Variants in AGO4 observed in about 807,000 individuals in gnomAD.
AGO4 encodes argonaute RISC component 4.
Under a neutral mutation model 104.7 loss-of-function variants are expected in AGO4, and 33 were observed. The ratio of observed to expected loss-of-function variants is 0.32; its 90% confidence interval spans 0.24 to 0.42. The LOEUF is 0.42. AGO4 is among the 10% of genes least tolerant of loss of function. AGO4 has a pLI of 1.00. For synonymous variants in AGO4, 331 were observed against 364.7 expected, an observed-to-expected ratio of 0.91 and a Z score of 1.05; for missense variants, 711 against 1,083.4, an observed-to-expected ratio of 0.66 and a Z score of 4.83.
At chr1:35,817,842 G>A (rs1643759721) in intron 2 of AGO4, among the ~76,000 whole-genome samples, 1 of 152,136 alleles carries the variant, frequency 6.6e-6, no homozygotes, top group African/African-American at 2.4e-5. Flanking sequence ...ATTGGCTATT[G>A]TGTAACTGAG....
At chr1:35,846,080 G>C (rs1644566166) in intron 15 of AGO4, among the ~76,000 whole-genome samples, 1 of 152,210 alleles carries the variant, frequency 6.6e-6, no homozygotes, top group Non-Finnish European at 1.5e-5. Flanking sequence ...AGGGGCATGG[G>C]AATGTTTGGC....
At position 35,853,673 on chromosome 1, in the gene AGO4, C is replaced by T. The variant is rs961178265; in HGVS notation, c.*68C>T. On this transcript the variant is annotated 3_prime_UTR_variant, in exon 18 of 18. Transcript: ENST00000373210. Reference sequence around the variant, plus strand: ...GCCTCAAAATGTTTCAAATGCCTACCGCCTCTAGATCGAGCCACGTTGACT... The same window carrying T: ...GCCTCAAAATGTTTCAAATGCCTACTGCCTCTAGATCGAGCCACGTTGACT... The T allele has an allele frequency of 1.6e-5, 22 of 1,395,750 alleles. No individual in the cohort carries two copies. Among genetic ancestry groups the T allele is most frequent in the African/African-American group, 2.8e-5 (2 of 70,292 alleles). 86.5% of individuals were successfully genotyped at this position (1,395,750 alleles called of 1,614,324 possible). A position where few individuals can be genotyped will look rare whatever the true frequency, so the allele number is the denominator to read the frequency against.
chr1:35,826,840 G>A lies in AGO4; in HGVS notation c.848+5G>A. 6.2e-7 allele frequency: 1 copy of A among 1,613,498 alleles called. No individual in the cohort carries two copies. Among genetic ancestry groups the A allele is most frequent in the Non-Finnish European group, 8.5e-7 (1 of 1,179,640 alleles). On this transcript the variant is annotated splice_donor_5th_base_variant and intron_variant, in intron 7 of 17. Coordinates refer to ENST00000373210, the MANE Select transcript of AGO4 (RefSeq NM_017629.4). ...ACGGCCAGCCAGTCATCAAACGTAT[G>A]TTAACCACATCTAAAGTAATACAAT...
chr1:35,837,562 T>G (rs185778873), intron 13 of AGO4, among the ~76,000 whole-genome samples: 23 of 152,150 alleles, frequency 1.5e-4, no homozygotes, highest in African/African-American at 5.3e-4. Flanking sequence ...TTATTTTTTA[T>G]AGAGACAGGG....
intron 1 of AGO4, among the ~76,000 whole-genome samples, chr1:35,815,036 C>T (rs1295460157): frequency 2.0e-5 from 3 of 151,322 alleles, no homozygotes; most frequent in African/African-American, 7.2e-5. Context: ...CACCACCGTG[C>T]CCGGCTAATT....
chr1:35,810,515 T>A (rs548812265), intron 1 of AGO4, among the ~76,000 whole-genome samples: 4 of 152,310 alleles, frequency 2.6e-5, no homozygotes, highest in African/African-American at 9.6e-5. Context: ...AGATTTCCAC[T>A]TATTTTGGTA....
At chr1:35,821,500 A>G (rs569378122) in intron 2 of AGO4, among the ~76,000 whole-genome samples, 2 of 152,336 alleles carry the variant, frequency 1.3e-5, no homozygotes, top group South Asian at 4.1e-4. Flanking sequence ...GTCTGTCCAT[A>G]TCTTAAACTC....
In AGO4 at chr1:35,822,868, A is replaced by G. The variant is rs749640477; in HGVS notation, c.192A>G (p.Val64=). The change falls in exon 3 of 18, where the codon GTA becomes GTG. Residue 64 remains valine (V), a synonymous_variant. Coordinates refer to ENST00000373210, the MANE Select transcript of AGO4 (RefSeq NM_017629.4). ...TATCTCCATTACTGTGAAGGGAGGT[A>G]GTAGATACAATGGTGCGGCACTTCA... is the stretch of plus-strand genomic sequence containing the variant. ...EKRPRRVNRE[V]VDTMVRHFKM... 5.0e-6 allele frequency: 8 copies of G among 1,614,066 alleles called. No homozygotes were observed. The highest frequency in any genetic ancestry group is 6.8e-6 in the Non-Finnish European group (8 of 1,179,950).
At chr1:35,853,055 CCTGG>C (rs1231383137) in intron 17 of AGO4, among the ~76,000 whole-genome samples, 6 of 152,044 alleles carry the variant, frequency 3.9e-5, no homozygotes, top group Non-Finnish European at 8.8e-5. Flanking sequence ...TCGAGACCAT[CCTGG>C]CTAACATGGT....
At chr1:35,810,289 G>C (rs1178586722) in intron 1 of AGO4, among the ~76,000 whole-genome samples, 1 of 152,158 alleles carries the variant, frequency 6.6e-6, no homozygotes, top group Non-Finnish European at 1.5e-5. Context: ...TCAGAGCAAA[G>C]GGAGTTGATC....
At chr1:35,840,411 C>T (rs1276093568) in intron 13 of AGO4, among the ~76,000 whole-genome samples, 2 of 152,160 alleles carry the variant, frequency 1.3e-5, no homozygotes, top group African/African-American at 4.8e-5. Context: ...ATCTGCCTGC[C>T]TCAGCCTTCC....
At chr1:35,822,716 T>A in intron 2 of AGO4, 146 bp from the exon 3 acceptor site, 2 of 973,834 alleles carry the variant, frequency 2.1e-6, no homozygotes, top group Non-Finnish European at 3.0e-6. Flanking sequence ...TAACTATTTT[T>A]TAAAGTACTC....
chr1:35,810,867 C>T (rs1163352977), intron 1 of AGO4, among the ~76,000 whole-genome samples: 4 of 152,194 alleles, frequency 2.6e-5, no homozygotes, highest in Non-Finnish European at 4.4e-5. Context: ...TGTGGTGGTT[C>T]ATGCCTGTAA....
chr1:35,816,829 A>G, intron 1 of AGO4, 53 bp from the exon 2 acceptor site: 1 of 1,489,296 alleles, frequency 6.7e-7, no homozygotes, highest in Admixed American at 2.3e-5. Context: ...AAAGAAAGAA[A>G]GAAAGAAAAA....
chr1:35,837,677 G>T (rs1438657805), intron 13 of AGO4, among the ~76,000 whole-genome samples: 1 of 151,924 alleles, frequency 6.6e-6, no homozygotes. Flanking sequence ...ACCATGCCTA[G>T]CCTAAACATC....
In AGO4 at chr1:35,825,513, A is replaced by T. The variant is rs1435627049; in HGVS notation, c.488+19A>T. 17 of 1,602,332 alleles carry T rather than the reference A, an allele frequency of 1.1e-5. No individual in the cohort carries two copies. The highest frequency in any genetic ancestry group is 1.4e-5 in the Non-Finnish European group (17 of 1,173,296). On this transcript the variant is annotated intron_variant, in intron 4 of 17. Transcript: ENST00000373210. ...CCATGAGGTTAGTACCTTGGTTTGG[A>T]TTATTTCCTACAAATGTCAGACTTT...
intron 11 of AGO4, among the ~76,000 whole-genome samples, 196 bp downstream of exon 11, chr1:35,832,766 T>C (rs947186047): frequency 2.6e-5 from 4 of 152,184 alleles, no homozygotes; most frequent in Non-Finnish European, 4.4e-5. Context: ...TCAGCTTCCT[T>C]ACATGTAGAG....
chr1:35,834,820 C>G (rs114745202), intron 12 of AGO4, among the ~76,000 whole-genome samples: 2,270 of 152,024 alleles, frequency 0.015, 52 homozygotes, highest in African/African-American at 0.05. Flanking sequence ...CTCAGGCTCT[C>G]GAGTAGCTGG....
At chr1:35,821,756 G>C (rs368596706) in intron 2 of AGO4, among the ~76,000 whole-genome samples, 2 of 152,244 alleles carry the variant, frequency 1.3e-5, no homozygotes, top group East Asian at 3.9e-4. Flanking sequence ...AGACAAGACG[G>C]TATACAGAAT....
Sources: allele counts gnomAD v4.1 joint callset (sites outside exome capture counted in the v4.1 genomes callset), GRCh38; gene constraint gnomAD v4.1.1; transcripts MANE v1.5; gene names NCBI Gene and HGNC (gene_info 2026-07-23, HGNC 2026-07-21).